Variants in SPIRE1 observed in about 807,000 individuals in gnomAD.
The protein encoded by SPIRE1 is spire type actin nucleation factor 1, also known as protein spire homolog 1.
In SPIRE1, 40 loss-of-function variants were observed where a neutral mutation model predicts 94.1. The observed-to-expected ratio is 0.43, with a 90% CI of 0.33 to 0.55. The LOEUF is 0.55. Ranked by LOEUF, SPIRE1 falls within the 20% of genes least tolerant of loss-of-function variation. The pLI is 0.06. For synonymous variants in SPIRE1, 376 were observed against 371.7 expected, an observed-to-expected ratio of 1.01 and a Z score of -0.13; for missense variants, 838 against 975.2, an observed-to-expected ratio of 0.86 and a Z score of 1.87.
At chr18:12,597,370 G>C (rs1312228563) in intron 2 of SPIRE1, among the ~76,000 whole-genome samples, 1 of 152,152 alleles carries the variant, frequency 6.6e-6, no homozygotes, top group Non-Finnish European at 1.5e-5. Context: ...CACACACAGG[G>C]AAGGAAAGCC....
At chr18:12,469,331 T>C (rs1193223871) in intron 10 of SPIRE1, among the ~76,000 whole-genome samples, 2 of 151,602 alleles carry the variant, frequency 1.3e-5, no homozygotes, top group African/African-American at 4.8e-5. Flanking sequence ...GCCTCCCTAG[T>C]AGCTGGGATT....
At chr18:12,558,785 T>C (rs1210536117) in intron 2 of SPIRE1, among the ~76,000 whole-genome samples, 1 of 152,128 alleles carries the variant, frequency 6.6e-6, no homozygotes, top group African/African-American at 2.4e-5. Flanking sequence ...GGCTGATTGG[T>C]GCATTTACAA....
At chr18:12,554,370 C>T (rs1420411567) in intron 2 of SPIRE1, among the ~76,000 whole-genome samples, 1 of 150,556 alleles carries the variant, frequency 6.6e-6, no homozygotes, top group Non-Finnish European at 1.5e-5. Flanking sequence ...TGAACAACTA[C>T]ATCCCAATAA....
At chr18:12,455,638 C>T (rs1352981931) in intron 12 of SPIRE1, among the ~76,000 whole-genome samples, 3 of 152,186 alleles carry the variant, frequency 2.0e-5, no homozygotes, top group African/African-American at 7.2e-5. Flanking sequence ...CCCATCCGGC[C>T]CCGCACTTGA....
intron 8 of SPIRE1, among the ~76,000 whole-genome samples, chr18:12,486,737 C>T (rs756243246): frequency 4.6e-5 from 7 of 152,186 alleles, no homozygotes; most frequent in Non-Finnish European, 8.8e-5. Flanking sequence ...GTGCTTGACA[C>T]ACAGTAAAAA....
intron 12 of SPIRE1, among the ~76,000 whole-genome samples, chr18:12,457,518 T>A (rs989651168): frequency 6.6e-6 from 1 of 152,168 alleles, no homozygotes; most frequent in Non-Finnish European, 1.5e-5. Flanking sequence ...CCCGTTTGAG[T>A]GGCCAGATGT....
intron 2 of SPIRE1, among the ~76,000 whole-genome samples, chr18:12,609,857 C>T (rs956977012): frequency 9.9e-5 from 15 of 151,948 alleles, no homozygotes; most frequent in South Asian, 4.2e-4. Flanking sequence ...GAGAGGCTTC[C>T]GGTGTAACCT....
chr18:12,573,809 G>A (rs956893299), intron 2 of SPIRE1, among the ~76,000 whole-genome samples: 7 of 151,544 alleles, frequency 4.6e-5, no homozygotes, highest in South Asian at 4.2e-4. Context: ...GTGCAATCTC[G>A]GCTCACTGCA....
At chr18:12,539,330 C>A (rs1298372942) in intron 3 of SPIRE1, among the ~76,000 whole-genome samples, 1 of 152,096 alleles carries the variant, frequency 6.6e-6, no homozygotes, top group African/African-American at 2.4e-5. Flanking sequence ...AGTTTCCCTG[C>A]ACAAGCTCTT....
intron 16 of SPIRE1, chr18:12,450,908 G>A (rs1036740263): frequency 1.3e-5 from 9 of 699,968 alleles, no homozygotes; most frequent in Admixed American, 7.8e-5. Flanking sequence ...GTATGAGAAG[G>A]ATGTTTCTGA....
At chr18:12,612,693 T>C (rs1356238603) in intron 2 of SPIRE1, among the ~76,000 whole-genome samples, 1 of 152,224 alleles carries the variant, frequency 6.6e-6, no homozygotes, top group Non-Finnish European at 1.5e-5. Flanking sequence ...TCTGCTACCC[T>C]ACTCCTCCCC....
At chr18:12,572,980 C>A (rs766832752) in intron 2 of SPIRE1, among the ~76,000 whole-genome samples, 4 of 152,072 alleles carry the variant, frequency 2.6e-5, no homozygotes, top group Admixed American at 6.5e-5. Flanking sequence ...AGATATGACA[C>A]CAAAACACAA....
intron 2 of SPIRE1, among the ~76,000 whole-genome samples, chr18:12,611,814 C>T (rs938120033): frequency 3.3e-5 from 5 of 150,852 alleles, no homozygotes; most frequent in Non-Finnish European, 7.4e-5. Context: ...TAGGCGTGCA[C>T]CACCACATTA....
At chr18:12,643,932 T>C (rs1048092853) in intron 1 of SPIRE1, among the ~76,000 whole-genome samples, 1 of 150,748 alleles carries the variant, frequency 6.6e-6, no homozygotes, top group African/African-American at 2.4e-5. Context: ...CTCACATCTA[T>C]AATCCCAGCA....
intron 2 of SPIRE1, among the ~76,000 whole-genome samples, chr18:12,580,532 C>A (rs966624659): frequency 6.6e-6 from 1 of 152,130 alleles, no homozygotes; most frequent in Non-Finnish European, 1.5e-5. Context: ...CCATGTTGGC[C>A]AGGCTGGTCT....
chr18:12,518,446 T>C (rs1332119303), intron 4 of SPIRE1, among the ~76,000 whole-genome samples: 3 of 151,724 alleles, frequency 2.0e-5, no homozygotes, highest in Admixed American at 1.3e-4. Context: ...GAGCTGTGAT[T>C]GCATCACTGC....
chr18:12,512,784 T>C (rs1272226985), intron 4 of SPIRE1, among the ~76,000 whole-genome samples: 6 of 151,588 alleles, frequency 4.0e-5, no homozygotes, highest in Non-Finnish European at 8.8e-5. Flanking sequence ...TCTTTTTTTT[T>C]TTTTTTTTAA....
intron 1 of SPIRE1, 28 bp downstream of exon 1, chr18:12,657,502 A>G: frequency 8.1e-7 from 1 of 1,227,966 alleles, no homozygotes; most frequent in Admixed American, 4.3e-5. Flanking sequence ...TCCAAGAACT[A>G]CGAGGGAAAG....
rs182106668 is a variant in SPIRE1, at chr18:12,624,057, G to T, written c.372+11005C>A. ...TCCTGCCTCAGCCTCCCGAGTAGCT[G>T]GGATTACAGGCACGTGTCACCACAC... On this transcript the variant is annotated intron_variant, in intron 2 of 16. Coordinates refer to ENST00000409402, the MANE Select transcript of SPIRE1 (RefSeq NM_001128626.2). Among the ~76,000 whole-genome samples the T allele has an allele frequency of 2.5e-3, 374 of 151,532 alleles. 3 individuals carry two copies. Among genetic ancestry groups the T allele is most frequent in the South Asian group, 0.014 (69 of 4,784 alleles).
Sources: gnomAD v4.1 joint callset for allele counts (sites outside exome capture counted in the v4.1 genomes callset) on GRCh38, gnomAD v4.1.1 for gene constraint, MANE v1.5 for transcripts, NCBI Gene and HGNC (gene_info 2026-07-23, HGNC 2026-07-21) for gene names.